HIC2: variants seen among roughly 807,000 people sequenced by gnomAD.
The protein encoded by HIC2 is HIC ZBTB transcriptional repressor 2.
A neutral mutation model predicts 39.5 loss-of-function variants in HIC2; 2 were observed. The ratio of observed to expected loss-of-function variants is 0.05; its 90% CI spans 0.02 to 0.16. The LOEUF is 0.16. HIC2 is among the 10% of genes least tolerant of loss of function. The pLI, the probability that HIC2 is intolerant of heterozygous loss-of-function variation, is 1.00. For missense variants in HIC2, 713 were observed against 863.5 expected, an observed-to-expected ratio of 0.83 and a Z score of 2.18; for synonymous variants, 399 against 368.8, an observed-to-expected ratio of 1.08 and a Z score of -0.94.
intron 1 of HIC2, 49 bp downstream of exon 1, chr22:21,417,609 C>CGGGGCCGCGGGCT (rs1265239007): frequency 8.9e-5 from 13 of 145,960 alleles, no homozygotes; most frequent in African/African-American, 2.5e-4. Flanking sequence ...GGGCGGGGGC[C>CGGGGCCGCGGGCT]GGGGCCGCGG....
intron 2 of HIC2, 108 bp from the exon 3 acceptor site, chr22:21,444,814 G>A (rs964285561): frequency 1.4e-4 from 180 of 1,251,988 alleles, no homozygotes; most frequent in Non-Finnish European, 1.9e-4. Context: ...CCTGCCCTAT[G>A]TGGGGTCAGT....
In HIC2 at chr22:21,450,361, CTG is replaced by C. The variant is rs1924106755; in HGVS notation, c.*3624_*3625del. 6.5e-6 allele frequency: 1 copy of C among 152,926 alleles called. No individual in the cohort carries two copies. Among genetic ancestry groups the C allele is most frequent in the Non-Finnish European group, 1.5e-5 (1 of 68,128 alleles). The allele number at this position is 152,926 out of a possible 1,614,324, so 9.5% of individuals were successfully genotyped here. Reference sequence around the variant, plus strand: ...CCAACTTTCCCCACCTCAGGCAGCCCTGTGTGTTTACCGTTCATCACCACTCG... The same window carrying C: ...CCAACTTTCCCCACCTCAGGCAGCCCTGTGTTTACCGTTCATCACCACTCG... On this transcript the variant is annotated 3_prime_UTR_variant, in exon 3 of 3. Coordinates refer to ENST00000407464, the MANE Select transcript of HIC2 (RefSeq NM_015094.3).
rs759131804 is a variant in HIC2, at chr22:21,446,196, CGGT to C, written c.1303_1305del (p.Val435del). 3.1e-6 allele frequency: 5 copies of C among 1,611,306 alleles called. No homozygotes were observed. In the East Asian group the frequency reaches 1.1e-4, roughly 36 times the overall value. On this transcript the variant is annotated inframe_deletion, in exon 3 of 3. Coordinates refer to ENST00000407464, the MANE Select transcript of HIC2 (RefSeq NM_015094.3). ...ATGTACCGGCAGGAGGGCTACGAGACGGTGTCCTACGGGGACAACTTGTATGTG... is the reference window on the plus strand; with the variant it reads ...ATGTACCGGCAGGAGGGCTACGAGACGTCCTACGGGGACAACTTGTATGTG...
rs1025065244 is a variant in HIC2 at position 21,446,834 on chromosome 22, C to G, written c.*91C>G. The G allele has an allele frequency of 4.7e-6, 7 of 1,499,388 alleles. No individual in the cohort carries two copies. The highest frequency in any genetic ancestry group is 6.2e-6 in the Non-Finnish European group (7 of 1,126,418). The allele number at this position is 1,499,388 out of a possible 1,614,324, so 92.9% of individuals were successfully genotyped here. A position where few individuals can be genotyped will look rare whatever the true frequency, so the allele number is the denominator to read the frequency against. On this transcript the variant is annotated 3_prime_UTR_variant, in exon 3 of 3. Coordinates refer to ENST00000407464, the MANE Select transcript of HIC2 (RefSeq NM_015094.3). ...GGTGATGCAGCAGCAGGGGCAAGACCCTGGGTCCAGTGGAGGCTCCGGGTG... is the reference window on the plus strand; with the variant it reads ...GGTGATGCAGCAGCAGGGGCAAGACGCTGGGTCCAGTGGAGGCTCCGGGTG...
Position 21,448,551 on chromosome 22 carries a change from CTT to C in HIC2, c.*1811_*1812del, listed in dbSNP as rs1294319724. On this transcript the variant is annotated 3_prime_UTR_variant, in exon 3 of 3. Coordinates refer to ENST00000407464, the MANE Select transcript of HIC2 (RefSeq NM_015094.3). ...TGCTTCACCATTTTTTTTTCTCTCTCTTTTCATTCTATTTTAAGTTTAGACCA... is the reference window on the plus strand; with the variant it reads ...TGCTTCACCATTTTTTTTTCTCTCTCTTCATTCTATTTTAAGTTTAGACCA... 1 of 152,686 alleles carries C rather than the reference CTT, an allele frequency of 6.5e-6. No individual in the cohort carries two copies. Among genetic ancestry groups the C allele is most frequent in the East Asian group, 1.9e-4 (1 of 5,316 alleles). The allele number at this position is 152,686 out of a possible 1,614,324, so 9.5% of individuals were successfully genotyped here. A position where few individuals can be genotyped will look rare whatever the true frequency, so the allele number is the denominator to read the frequency against.
At position 21,445,474 on chromosome 22, in the gene HIC2, A is replaced by G. The variant is rs753164255; in HGVS notation, c.579A>G (p.Gln193=). The part of the protein sequence containing the change: ...KGAHAPQELP[Q]AKGSDDELFL... Reference sequence around the variant, plus strand: ...CCCACGCCCCCCAGGAGCTCCCCCAAGCCAAAGGCTCAGACGATGAACTCT... The same window carrying G: ...CCCACGCCCCCCAGGAGCTCCCCCAGGCCAAAGGCTCAGACGATGAACTCT... The change falls in exon 3 of 3, where the codon CAA becomes CAG. Residue 193 remains glutamine, a synonymous_variant. Transcript: ENST00000407464. 3.9e-6 allele frequency: 6 copies of G among 1,557,672 alleles called. No homozygotes were observed. The East Asian group carries it at 1.4e-4, about 35-fold the overall frequency.
rs566463014 is a variant in HIC2, at chr22:21,449,495, A to T, written c.*2752A>T. On this transcript the variant is annotated 3_prime_UTR_variant, in exon 3 of 3. Coordinates refer to ENST00000407464, the MANE Select transcript of HIC2 (RefSeq NM_015094.3). ...AAACCAAAGCACATTTTGAATGAGTATGGAACCTCCATGGGCTCAGAAAAA... is the reference window on the plus strand; with the variant it reads ...AAACCAAAGCACATTTTGAATGAGTTTGGAACCTCCATGGGCTCAGAAAAA... The T allele has an allele frequency of 7.2e-5, 11 of 152,952 alleles. 1 individual carries two copies. In the East Asian group the frequency reaches 2.1e-3, roughly 29 times the overall value. The allele number at this position is 152,952 out of a possible 1,614,324, so 9.5% of individuals were successfully genotyped here.
In HIC2 at chr22:21,446,097, A is replaced by G. The variant is rs1923816338; in HGVS notation, c.1202A>G (p.Asn401Ser). 2 of 1,607,828 alleles carry G rather than the reference A, an allele frequency of 1.2e-6. No individual in the cohort carries two copies. The highest frequency in any genetic ancestry group is 1.7e-6 in the Non-Finnish European group (2 of 1,179,770). ...TACCCCTGCAAGGAGGAGGAGGAGA[A>G]CGGCAAGGATGCAAGTGAAGACAGT... ...PPYPCKEEEENGKDASEDSAQ... is the reference protein window; with the variant it reads ...PPYPCKEEEESGKDASEDSAQ... The change falls in exon 3 of 3, where the codon AAC (asparagine) becomes AGC (serine). Residue 401 changes from asparagine (N) to serine (S), a missense_variant. By Grantham distance (46) the Asn-to-Ser change is conservative. This residue lies in a region of HIC2 where 457 missense variants were observed against 420.2 expected (regional missense o/e 1.09). Coordinates refer to ENST00000407464, the MANE Select transcript of HIC2 (RefSeq NM_015094.3).
At position 21,445,623 on chromosome 22, in the gene HIC2, A is replaced by G; in HGVS notation, c.728A>G (p.Gln243Arg). Residue 243 changes from glutamine to arginine, a missense_variant, in exon 3 of 3, where the codon CAG (glutamine) becomes CGG (arginine). Around this residue, in one of 5 missense-constraint regions of HIC2, gnomAD observed 457 missense variants for 420.2 expected, o/e 1.09. Transcript: ENST00000407464. ...AACGGGAGCAGCGGGGGCTGCGAGC[A>G]GGAGCTGGGCTTGGACCTGTCCAAG... ...STNGSSGGCE[Q>R]ELGLDLSKKS... The G allele has an allele frequency of 6.3e-7, 1 of 1,580,210 alleles. No homozygotes were observed. The highest frequency in any genetic ancestry group is 8.6e-7 in the Non-Finnish European group (1 of 1,164,566).
intron 2 of HIC2, among the ~76,000 whole-genome samples, chr22:21,443,359 G>C (rs924237478): frequency 6.6e-6 from 1 of 152,224 alleles, no homozygotes; most frequent in African/African-American, 2.4e-5. Context: ...ACCTTCAGGG[G>C]CCTGTGAATG....
Position 21,450,977 on chromosome 22 carries a change from TC to T in HIC2, c.*4238del. ...ACAGACCTCACTGGGGCAGGGAGGA[TC>T]CCCAGGGCTCCCACCCTCCACTTGG... On this transcript the variant is annotated 3_prime_UTR_variant, in exon 3 of 3. Transcript: ENST00000407464. The T allele has an allele frequency of 6.5e-6, 1 of 152,882 alleles. No individual in the cohort carries two copies. Among genetic ancestry groups the T allele is most frequent in the Non-Finnish European group, 1.5e-5 (1 of 68,050 alleles). 9.5% of individuals were successfully genotyped at this position (152,882 alleles called of 1,614,324 possible).
Position 21,447,926 on chromosome 22 carries a change from T to C in HIC2, c.*1183T>C, listed in dbSNP as rs1293372248. ...CTACCTCTTGAATTCATGACAACGA[T>C]ATGTTGGTGACTGGCAGTGGAAGCC... On this transcript the variant is annotated 3_prime_UTR_variant, in exon 3 of 3. Transcript: ENST00000407464. 6.5e-6 allele frequency: 1 copy of C among 152,756 alleles called. No homozygotes were observed. The highest frequency in any genetic ancestry group is 2.4e-5 in the African/African-American group (1 of 41,408). 9.5% of individuals were successfully genotyped at this position (152,756 alleles called of 1,614,324 possible). A position where few individuals can be genotyped will look rare whatever the true frequency, so the allele number is the denominator to read the frequency against.
At position 21,447,163 on chromosome 22, in the gene HIC2, T is replaced by G; in HGVS notation, c.*420T>G. ...CTGTGTGTGTGCACGTGTGCTTGTG[T>G]CTGTGCGGGCGCGTGCAGCCCTGGT... On this transcript the variant is annotated 3_prime_UTR_variant, in exon 3 of 3. Transcript: ENST00000407464. 1 of 200,342 alleles carries G rather than the reference T, an allele frequency of 5.0e-6. No individual in the cohort carries two copies. The highest frequency in any genetic ancestry group is 1.0e-5 in the Non-Finnish European group (1 of 97,000). 12.4% of individuals were successfully genotyped at this position (200,342 alleles called of 1,614,324 possible).
Position 21,445,253 on chromosome 22 carries a change from C to T in HIC2, c.358C>T (p.Leu120Phe). ...AGCCGAGCCCAACTTCAGCACCCTC[C>T]TCACTGCCGCCAGCTACCTCCAGCT... is the stretch of plus-strand genomic sequence containing the variant. ...QPAEPNFSTL[L>F]TAASYLQLPE... Residue 120 changes from leucine to phenylalanine, a missense_variant, in exon 3 of 3, where the codon CTC becomes TTC. Around this residue, in one of 5 missense-constraint regions of HIC2, gnomAD observed 102 missense variants for 187.1 expected, o/e 0.55. Coordinates refer to ENST00000407464, the MANE Select transcript of HIC2 (RefSeq NM_015094.3). 6.2e-7 allele frequency: 1 copy of T among 1,612,950 alleles called. No individual in the cohort carries two copies. The highest frequency in any genetic ancestry group is 8.5e-7 in the Non-Finnish European group (1 of 1,179,950).
In HIC2 at chr22:21,445,492, T is replaced by C. The variant is rs370131544; in HGVS notation, c.597T>C (p.Asp199=). Residue 199 remains aspartate, a synonymous_variant, in exon 3 of 3, where the codon GAT becomes GAC. Transcript: ENST00000407464. ...TCCCCCAAGCCAAAGGCTCAGACGA[T>C]GAACTCTTTCTTGGTGGCTCTAACC... ...QELPQAKGSD[D]ELFLGGSNQD... 1 of 1,584,554 alleles carries C rather than the reference T, an allele frequency of 6.3e-7. No individual in the cohort carries two copies. Among genetic ancestry groups the C allele is most frequent in the African/African-American group, 1.4e-5 (1 of 73,354 alleles).
chr22:21,445,944 T>C lies in HIC2; in HGVS notation c.1049T>C (p.Phe350Ser). 1 of 1,576,402 alleles carries C rather than the reference T, an allele frequency of 6.3e-7. No individual in the cohort carries two copies. The highest frequency in any genetic ancestry group is 2.3e-5 in the East Asian group (1 of 44,414). Residue 350 changes from phenylalanine (F) to serine (S), a missense_variant, in exon 3 of 3, where the codon TTT becomes TCT. Physicochemically the swap from Phe to Ser is radical, Grantham distance 155. Coordinates refer to ENST00000407464, the MANE Select transcript of HIC2 (RefSeq NM_015094.3). ...AAGGAGCCTGTGGCTGGCTCCCCCTTTGAGCGGAGAGAAGCAGGGCCCAAG... is the reference window on the plus strand; with the variant it reads ...AAGGAGCCTGTGGCTGGCTCCCCCTCTGAGCGGAGAGAAGCAGGGCCCAAG... ...GKKEPVAGSPFERREAGPKGP... is the reference protein window; with the variant it reads ...GKKEPVAGSPSERREAGPKGP...
rs1356780447 is a variant in HIC2, at chr22:21,449,488, A to T, written c.*2745A>T. ...ATTTTTTAAACCAAAGCACATTTTGAATGAGTATGGAACCTCCATGGGCTC... is the reference window on the plus strand; with the variant it reads ...ATTTTTTAAACCAAAGCACATTTTGTATGAGTATGGAACCTCCATGGGCTC... On this transcript the variant is annotated 3_prime_UTR_variant, in exon 3 of 3. Transcript: ENST00000407464. 1 of 152,802 alleles carries T rather than the reference A, an allele frequency of 6.5e-6. No homozygotes were observed. Among genetic ancestry groups the T allele is most frequent in the East Asian group, 1.9e-4 (1 of 5,342 alleles). 9.5% of individuals were successfully genotyped at this position (152,802 alleles called of 1,614,324 possible).
chr22:21,426,919 G>A (rs2148334562), intron 1 of HIC2, among the ~76,000 whole-genome samples: 1 of 606 alleles, frequency 1.7e-3, no homozygotes, highest in South Asian at 0.018. Context: ...TGTATTTTTA[G>A]TAGAGACGGG....
At chr22:21,443,597 C>T (rs910401392) in intron 2 of HIC2, among the ~76,000 whole-genome samples, 2 of 152,068 alleles carry the variant, frequency 1.3e-5, no homozygotes, top group African/African-American at 4.8e-5. Flanking sequence ...CTGTGGGCCC[C>T]GCTGCTCGGT....
Sources: gnomAD v4.1 joint callset for allele counts (sites outside exome capture counted in the v4.1 genomes callset) on GRCh38, gnomAD v4.1.1 for gene constraint, gnomAD v4.1.1 regional missense constraint, MANE v1.5 for transcripts, NCBI Gene and HGNC (gene_info 2026-07-23, HGNC 2026-07-21) for gene names.